The following MTREX variants were observed in gnomAD, a reference collection of about 807,000 sequenced individuals.
The protein encoded by MTREX is exosome RNA helicase MTR4.
MTREX carries 76 observed loss-of-function variants against 135.4 expected under a neutral mutation model. That is an observed-to-expected ratio of 0.56 (90% CI 0.47 to 0.68). MTREX has a LOEUF of 0.68. Ranked by LOEUF, MTREX falls within the 30% of genes least tolerant of loss-of-function variation. The pLI, the probability that MTREX is intolerant of heterozygous loss-of-function variation, is 0.00. For missense variants in MTREX, 920 were observed against 1,262.1 expected (o/e 0.73, Z 4.11); for synonymous variants, 404 against 401.6 (o/e 1.01, Z -0.07).
intron 1 of MTREX, among the ~76,000 whole-genome samples, chr5:55,318,857 T>C (rs2112026951): frequency 6.6e-6 from 1 of 152,258 alleles, no homozygotes; most frequent in Non-Finnish European, 1.5e-5. Flanking sequence ...GCTTAACTTT[T>C]ATTACAAGTA....
At chr5:55,413,573 G>T (rs921017034) in intron 23 of MTREX, among the ~76,000 whole-genome samples, 3 of 152,064 alleles carry the variant, frequency 2.0e-5, no homozygotes, top group Non-Finnish European at 2.9e-5. Flanking sequence ...ACTTAATTTG[G>T]CTACTTAGTG....
chr5:55,308,036 A>C lies in MTREX; in HGVS notation c.23A>C (p.Glu8Ala). MADAFGD[E>A]LFSVFEGDST... ...AAAATGGCGGACGCATTCGGAGATG[A>C]GCTGTTCAGCGTGTTCGAGGGCGAC... Residue 8 changes from glutamate (E) to alanine (A), a missense_variant, in exon 1 of 27, where the codon GAG becomes GCG. Coordinates refer to ENST00000230640, the MANE Select transcript of MTREX (RefSeq NM_015360.5). 1 of 1,614,118 alleles carries C rather than the reference A, an allele frequency of 6.2e-7. No homozygotes were observed. Among genetic ancestry groups the C allele is most frequent in the Non-Finnish European group, 8.5e-7 (1 of 1,180,024 alleles).
intron 5 of MTREX, among the ~76,000 whole-genome samples, chr5:55,334,568 T>C (rs1749524502): frequency 6.6e-6 from 1 of 152,136 alleles, no homozygotes; most frequent in Non-Finnish European, 1.5e-5. Flanking sequence ...CTGCTGATTT[T>C]TTAAGTCTAT....
At chr5:55,406,598 G>A (rs1750812558) in intron 22 of MTREX, among the ~76,000 whole-genome samples, 1 of 152,156 alleles carries the variant, frequency 6.6e-6, no homozygotes, top group Non-Finnish European at 1.5e-5. Context: ...ATTCAAGTGG[G>A]GGATAATTAG....
At chr5:55,388,543 A>G (rs1469555945) in intron 19 of MTREX, among the ~76,000 whole-genome samples, 4 of 152,174 alleles carry the variant, frequency 2.6e-5, no homozygotes, top group African/African-American at 9.6e-5. Context: ...TACATTAATG[A>G]GATATTTAAC....
intron 15 of MTREX, among the ~76,000 whole-genome samples, chr5:55,362,207 A>G (rs1001896874): frequency 1.4e-5 from 2 of 146,242 alleles, no homozygotes; most frequent in African/African-American, 5.1e-5. Context: ...TGCTGGGATT[A>G]CAGGCATGAA....
chr5:55,347,305 T>G (rs1190476634), intron 11 of MTREX, among the ~76,000 whole-genome samples, 161 bp downstream of exon 11: 2 of 152,230 alleles, frequency 1.3e-5, no homozygotes, highest in Non-Finnish European at 2.9e-5. Flanking sequence ...GGCCTTTGAC[T>G]TATACTTTCT....
chr5:55,414,178 A>G lies in MTREX; in HGVS notation c.2752-4A>G. 6.5e-7 allele frequency: 1 copy of G among 1,549,786 alleles called. No individual in the cohort carries two copies. The highest frequency in any genetic ancestry group is 1.3e-5 in the South Asian group (1 of 78,030). ...TTATATCTTGTTTTCCTTTTCTTTT[A>G]TAGTCTAGTGAGATGCCCAAATTAA... On this transcript the variant is annotated splice_region_variant and splice_polypyrimidine_tract_variant and intron_variant, in intron 23 of 26. Coordinates refer to ENST00000230640, the MANE Select transcript of MTREX (RefSeq NM_015360.5).
chr5:55,323,179 C>T (rs1318072709), intron 2 of MTREX, among the ~76,000 whole-genome samples: 1 of 152,050 alleles, frequency 6.6e-6, no homozygotes, highest in African/African-American at 2.4e-5. Context: ...TTAAGATGCA[C>T]CATTTTCCCA....
At chr5:55,318,067 G>T (rs1749227172) in intron 1 of MTREX, among the ~76,000 whole-genome samples, 1 of 152,130 alleles carries the variant, frequency 6.6e-6, no homozygotes, top group African/African-American at 2.4e-5. Context: ...AACCACAAAT[G>T]AGATACCATC....
intron 18 of MTREX, among the ~76,000 whole-genome samples, chr5:55,387,622 ATAATC>A (rs1267229954): frequency 2.0e-5 from 3 of 152,128 alleles, no homozygotes; most frequent in African/African-American, 7.2e-5. Flanking sequence ...AAGCAATAAA[ATAATC>A]TATTCTCAAT....
At chr5:55,365,629 G>A (rs565784352) in intron 15 of MTREX, among the ~76,000 whole-genome samples, 2 of 152,254 alleles carry the variant, frequency 1.3e-5, no homozygotes, top group African/African-American at 2.4e-5. Context: ...TGTATCGTCC[G>A]AGAATTTGGT....
At chr5:55,342,837 C>T (rs1167639436) in intron 7 of MTREX, among the ~76,000 whole-genome samples, 1 of 152,174 alleles carries the variant, frequency 6.6e-6, no homozygotes, top group African/African-American at 2.4e-5. Flanking sequence ...AGGAGGGAAG[C>T]TGTCAAACTT....
intron 25 of MTREX, among the ~76,000 whole-genome samples, chr5:55,419,698 T>C (rs2111630034): frequency 6.6e-6 from 1 of 152,352 alleles, no homozygotes; most frequent in East Asian, 1.9e-4. Flanking sequence ...GGATTTGCTT[T>C]CCACTGAGCA....
chr5:55,368,156 A>G (rs950633755), intron 16 of MTREX, among the ~76,000 whole-genome samples: 1 of 152,182 alleles, frequency 6.6e-6, no homozygotes, highest in Non-Finnish European at 1.5e-5. Context: ...TGACTTTTGA[A>G]GTTTTAATTT....
chr5:55,420,360 G>A (rs748794420), intron 25 of MTREX, among the ~76,000 whole-genome samples: 18 of 152,126 alleles, frequency 1.2e-4, no homozygotes, highest in Non-Finnish European at 2.2e-4. Flanking sequence ...TTCATCAACC[G>A]GGTAAGGCTG....
At chr5:55,418,540 GT>G (rs1695034495) in intron 25 of MTREX, among the ~76,000 whole-genome samples, 1 of 150,686 alleles carries the variant, frequency 6.6e-6, no homozygotes. Flanking sequence ...CTACATCACA[GT>G]TTGCTTGAAA....
intron 18 of MTREX, among the ~76,000 whole-genome samples, chr5:55,384,311 CA>C (rs1182811408): frequency 6.6e-6 from 1 of 152,214 alleles, no homozygotes; most frequent in Non-Finnish European, 1.5e-5. Context: ...TAATTTTCCT[CA>C]CTTCGGTAAA....
chr5:55,331,703 C>T (rs1749477833), intron 5 of MTREX, among the ~76,000 whole-genome samples: 1 of 152,184 alleles, frequency 6.6e-6, no homozygotes, highest in African/African-American at 2.4e-5. Context: ...CTCCAGCTGC[C>T]CTGGCCTTCA....
Sources: gnomAD v4.1 joint callset for allele counts (sites outside exome capture counted in the v4.1 genomes callset) on GRCh38, gnomAD v4.1.1 for gene constraint, MANE v1.5 for transcripts, NCBI Gene and HGNC (gene_info 2026-07-23, HGNC 2026-07-21) for gene names.